The following SYNJ1 variants were observed in gnomAD, a reference collection of about 807,000 sequenced individuals.
SYNJ1 encodes the protein synaptojanin 1.
In SYNJ1, 78 loss-of-function variants were observed where a neutral mutation model predicts 168.2. The ratio of observed to expected loss-of-function variants is 0.46; its 90% CI spans 0.39 to 0.56. The LOEUF (loss-of-function observed/expected upper bound fraction) is 0.56. Ranked by LOEUF, SYNJ1 falls within the 20% of genes least tolerant of loss-of-function variation. The probability of loss-of-function intolerance (pLI) is 0.00; values close to 1 mark genes in which losing one functional copy is unlikely to be tolerated. For synonymous variants in SYNJ1, 539 were observed against 548.6 expected (o/e 0.98, Z 0.24); for missense variants, 1,303 against 1,597.6 (o/e 0.82, Z 3.14).
At chr21:32,636,048 CT>C (rs1367112926) in intron 31 of SYNJ1, among the ~76,000 whole-genome samples, 1 of 152,252 alleles carries the variant, frequency 6.6e-6, no homozygotes, top group East Asian at 1.9e-4. Context: ...ACATGAGACT[CT>C]TATTTAACAC....
intron 6 of SYNJ1, among the ~76,000 whole-genome samples, chr21:32,692,844 G>A (rs113377423): frequency 1.3e-5 from 2 of 152,212 alleles, no homozygotes; most frequent in African/African-American, 4.8e-5. Context: ...TTGCCCAGGA[G>A]TTCAAGACCA....
At chr21:32,673,088 GAATC>G (rs1311020476) in intron 14 of SYNJ1, among the ~76,000 whole-genome samples, 1 of 152,064 alleles carries the variant, frequency 6.6e-6, no homozygotes, top group Non-Finnish European at 1.5e-5. Flanking sequence ...TATTTCCTGA[GAATC>G]AATTATGGAA....
chr21:32,677,719 T>C (rs1257850358), intron 12 of SYNJ1, among the ~76,000 whole-genome samples: 1 of 152,168 alleles, frequency 6.6e-6, no homozygotes, highest in Non-Finnish European at 1.5e-5. Context: ...TACAGGTCCC[T>C]GAGGAACTGT....
intron 19 of SYNJ1, among the ~76,000 whole-genome samples, chr21:32,657,400 G>A (rs1224688315): frequency 6.6e-6 from 1 of 152,158 alleles, no homozygotes; most frequent in Non-Finnish European, 1.5e-5. Flanking sequence ...CAATTCAAGA[G>A]ACAAGTGGCA....
chr21:32,660,695 G>A (rs180875582), intron 18 of SYNJ1, among the ~76,000 whole-genome samples: 93 of 152,296 alleles, frequency 6.1e-4, no homozygotes, highest in South Asian at 2.3e-3. Context: ...GCTTTAACTC[G>A]GGCTCTAGAA....
chr21:32,631,737 T>C lies in SYNJ1; in HGVS notation c.*68A>G. The C allele has an allele frequency of 1.2e-6, 2 of 1,614,204 alleles. No homozygotes were observed. The highest frequency in any genetic ancestry group is 1.6e-4 in the Middle Eastern group (1 of 6,062). ...TACAGCAAGCAGATTAAATGACAGA[T>C]CTTCAAATGGGTCAATCTTTAATGG... On this transcript the variant is annotated 3_prime_UTR_variant, in exon 33 of 33. Coordinates refer to ENST00000674351, the MANE Select transcript of SYNJ1 (RefSeq NM_203446.3).
intron 17 of SYNJ1, 64 bp from the exon 18 acceptor site, chr21:32,665,135 A>G (rs1435865840): frequency 2.0e-6 from 3 of 1,483,124 alleles, no homozygotes; most frequent in Non-Finnish European, 2.7e-6. Context: ...TTTTACAACT[A>G]TTTCTTTGCC....
Position 32,657,114 on chromosome 21 carries a change from T to G in SYNJ1, c.2468A>C (p.Asp823Ala), listed in dbSNP as rs965232878. The G allele has an allele frequency of 6.2e-7, 1 of 1,601,780 alleles. No individual in the cohort carries two copies. Among genetic ancestry groups the G allele is most frequent in the Non-Finnish European group, 8.6e-7 (1 of 1,168,832 alleles). ...AAAACTAGCATTTAGAAGATCTAGA[T>G]CTTCAGCTGCAGTCAGAAGAAATGA... is the stretch of plus-strand genomic sequence containing the variant. Reference protein sequence around the residue: ...RKWPFDRSAEDLDLLNASFQD... With the variant: ...RKWPFDRSAEALDLLNASFQD... The change falls in exon 20 of 33, where the codon GAT becomes GCT. Residue 823 changes from aspartate to alanine, a missense_variant. Around this residue, in one of 2 missense-constraint regions of SYNJ1, gnomAD observed 920 missense variants for 1,208.8 expected, o/e 0.76. Coordinates refer to ENST00000674351, the MANE Select transcript of SYNJ1 (RefSeq NM_203446.3).
In SYNJ1 at chr21:32,665,609, C is replaced by T. The variant is rs559236621; in HGVS notation, c.2145+334G>A. Among the ~76,000 whole-genome samples the T allele has an allele frequency of 2.6e-3, 394 of 152,278 alleles. 5 individuals are homozygous for T. The highest frequency in any genetic ancestry group is 8.9e-3 in the African/African-American group (370 of 41,544). On this transcript the variant is annotated intron_variant, in intron 17 of 32. Transcript: ENST00000674351. ...AGTTGTCCTGCCTTACCAGACCAAA[C>T]CAGTGTACATCATACACATACTGAC...
Position 32,656,858 on chromosome 21 carries a change from G to GCTTCAA in SYNJ1, c.2618_2623dup (p.Val873_Glu874dup). On this transcript the variant is annotated inframe_insertion, in exon 21 of 33. Transcript: ENST00000674351. ...TTTATAAATGTTTTGCCTCTCTTCAGCTTCAACTTCAAATATATCTATATC... is the reference window on the plus strand; with the variant it reads ...TTTATAAATGTTTTGCCTCTCTTCAGCTTCAACTTCAACTTCAAATATATCTATATC... 1.2e-6 allele frequency: 2 copies of GCTTCAA among 1,614,138 alleles called. No homozygotes were observed. The highest frequency in any genetic ancestry group is 1.7e-6 in the Non-Finnish European group (2 of 1,180,024).
At position 32,646,444 on chromosome 21, in the gene SYNJ1, T is replaced by C. The variant is rs773437219; in HGVS notation, c.3196A>G (p.Ile1066Val). ...CTTGACGGTGCTCGGCTTGGTCTGA[T>C]GGGAAGGGAAGGTACAGGACCCTCT... ...ISEGPVPSLP[I>V]RPSRAPSRTP... Residue 1066 changes from isoleucine (I) to valine (V), a missense_variant, in exon 24 of 33, where the codon ATC becomes GTC. Transcript: ENST00000674351. 26 of 1,613,964 alleles carry C rather than the reference T, an allele frequency of 1.6e-5. No individual in the cohort carries two copies. The highest frequency in any genetic ancestry group is 1.7e-5 in the Admixed American group (1 of 60,000).
At position 32,727,981 on chromosome 21, in the gene SYNJ1, G is replaced by T; in HGVS notation, c.-58C>A. On this transcript the variant is annotated 5_prime_UTR_variant, in exon 1 of 33. In the 5' UTR this introduces an upstream ATG that the reference lacks. Coordinates refer to ENST00000674351, the MANE Select transcript of SYNJ1 (RefSeq NM_203446.3). ...GGCTCCTCCTCCTCCTTCTCCCGCA[G>T]CCGCCGCCACAGCCGCCGGGAGCGT... 1 of 1,535,174 alleles carries T rather than the reference G, an allele frequency of 6.5e-7. No individual in the cohort carries two copies.
chr21:32,728,070 C>T (rs2043561582), upstream of SYNJ1: 5 of 1,522,530 alleles, frequency 3.3e-6, no homozygotes, highest in Non-Finnish European at 4.4e-6. Flanking sequence ...GAAGATCCGC[C>T]CCGCGCGAGG....
intron 2 of SYNJ1, among the ~76,000 whole-genome samples, chr21:32,706,946 C>T (rs566440827): frequency 1.3e-5 from 2 of 152,220 alleles, no homozygotes; most frequent in African/African-American, 2.4e-5. Flanking sequence ...TAAAATACAG[C>T]ACTTGGAAAT....
At position 32,678,553 on chromosome 21, in the gene SYNJ1, TAA is replaced by T; in HGVS notation, c.1510+90_1510+91del. 3 of 1,360,582 alleles carry T rather than the reference TAA, an allele frequency of 2.2e-6. No individual in the cohort carries two copies. The South Asian group carries it at 5.1e-5, about 23-fold the overall frequency. 84.3% of individuals were successfully genotyped at this position (1,360,582 alleles called of 1,614,324 possible). A position where few individuals can be genotyped will look rare whatever the true frequency, so the allele number is the denominator to read the frequency against. The stretch of plus-strand genomic sequence containing the variant: ...ACAGAAATCCCTTCAAAAACTATTT[TAA>T]CCAACTAAAAATTCTGTGTAAATAA... On this transcript the variant is annotated intron_variant, in intron 12 of 32. Coordinates refer to ENST00000674351, the MANE Select transcript of SYNJ1 (RefSeq NM_203446.3).
chr21:32,723,124 T>C (rs549516840), intron 2 of SYNJ1, among the ~76,000 whole-genome samples: 2 of 152,346 alleles, frequency 1.3e-5, no homozygotes, highest in Admixed American at 6.5e-5. Context: ...GATTTAAGCT[T>C]AGAATCCTAT....
At chr21:32,703,501 G>A (rs1377489913) in intron 2 of SYNJ1, among the ~76,000 whole-genome samples, 1 of 152,110 alleles carries the variant, frequency 6.6e-6, no homozygotes, top group Admixed American at 6.5e-5. Flanking sequence ...AGTACCATAT[G>A]TACTGTAAAC....
chr21:32,711,482 G>A (rs769020590), intron 2 of SYNJ1, among the ~76,000 whole-genome samples: 8 of 151,930 alleles, frequency 5.3e-5, no homozygotes, highest in Non-Finnish European at 8.8e-5. Flanking sequence ...ACAGGCGCGC[G>A]CCACCATGCC....
intron 11 of SYNJ1, among the ~76,000 whole-genome samples, chr21:32,680,012 A>G (rs959835167): frequency 2.6e-5 from 4 of 152,262 alleles, no homozygotes; most frequent in Middle Eastern, 3.4e-3. Flanking sequence ...CACTGCAGAA[A>G]TGAAAAGGTA....
Sources: allele counts gnomAD v4.1 joint callset (sites outside exome capture counted in the v4.1 genomes callset), GRCh38; gene constraint gnomAD v4.1.1; regional missense constraint gnomAD v4.1.1; transcripts MANE v1.5; gene names NCBI Gene and HGNC (gene_info 2026-07-23, HGNC 2026-07-21).